Variants in PTCHD4 observed in about 807,000 individuals in gnomAD.
The protein encoded by PTCHD4 is patched domain-containing protein 4.
Under a neutral mutation model 58.1 loss-of-function variants are expected in PTCHD4, and 33 were observed. The ratio of observed to expected loss-of-function variants is 0.57; its 90% confidence interval spans 0.43 to 0.76. The LOEUF (loss-of-function observed/expected upper bound fraction) is 0.76. PTCHD4 is among the 30% of genes least tolerant of loss of function. PTCHD4 has a pLI of 0.00. For synonymous variants in PTCHD4, 478 were observed against 409.6 expected (o/e 1.17, Z -2.02); for missense variants, 1,058 against 1,027.1 (o/e 1.03, Z -0.41).
chr6:47,958,408 T>C (rs1265637447), intron 4 of PTCHD4, among the ~76,000 whole-genome samples: 6 of 152,118 alleles, frequency 3.9e-5, no homozygotes, highest in South Asian at 2.1e-4. Context: ...AATAGTGTTT[T>C]TCAAAATATG....
chr6:47,936,662 A>T (rs1041804779), intron 4 of PTCHD4, among the ~76,000 whole-genome samples: 5 of 152,146 alleles, frequency 3.3e-5, no homozygotes, highest in African/African-American at 1.2e-4. Flanking sequence ...GTCCTTGTTC[A>T]TTTTTTAAAC....
intron 4 of PTCHD4, among the ~76,000 whole-genome samples, chr6:47,937,406 T>C (rs916063718): frequency 2.0e-5 from 3 of 152,164 alleles, no homozygotes; most frequent in Non-Finnish European, 4.4e-5. Flanking sequence ...TTATGGACTT[T>C]GTGAAGGAAA....
chr6:48,099,675 C>T (rs538032633), intron 1 of PTCHD4, among the ~76,000 whole-genome samples: 1 of 152,312 alleles, frequency 6.6e-6, no homozygotes, highest in South Asian at 2.1e-4. Context: ...AATGCAGCAT[C>T]TATAGGGTCA....
Position 47,876,971 on chromosome 6 carries a change from G to C in PTCHD4, c.*1332C>G, listed in dbSNP as rs777418318. Among the ~76,000 whole-genome samples the C allele has an allele frequency of 1.3e-5, 2 of 151,998 alleles. No individual in the cohort carries two copies. Among genetic ancestry groups the C allele is most frequent in the Admixed American group, 6.6e-5 (1 of 15,230 alleles). On this transcript the variant is annotated 3_prime_UTR_variant, in exon 5 of 5. Coordinates refer to ENST00000339488, the MANE Select transcript of PTCHD4 (RefSeq NM_001384253.1). Reference sequence around the variant, plus strand: ...TGGGCCAACCGAGGAGCACTTTCCAGGTAACAAGAGCAACACTATTGTGAG... The same window carrying C: ...TGGGCCAACCGAGGAGCACTTTCCACGTAACAAGAGCAACACTATTGTGAG...
intron 4 of PTCHD4, among the ~76,000 whole-genome samples, chr6:47,982,582 G>A (rs1041039156): frequency 1.4e-5 from 2 of 147,460 alleles, no homozygotes; most frequent in African/African-American, 5.0e-5. Flanking sequence ...TCCGCCTCCC[G>A]GGTTCACGCC....
chr6:48,067,833 T>C (rs1402785605), intron 3 of PTCHD4, among the ~76,000 whole-genome samples: 1 of 152,034 alleles, frequency 6.6e-6, no homozygotes, highest in Non-Finnish European at 1.5e-5. Context: ...TTTTTTTTTT[T>C]ATTTTTGGTA....
intron 1 of PTCHD4, among the ~76,000 whole-genome samples, chr6:48,096,200 A>C (rs1457388229): frequency 1.3e-5 from 2 of 152,204 alleles, no homozygotes; most frequent in African/African-American, 2.4e-5. Context: ...CATTTCAATT[A>C]GTTCTTGAAG....
intron 4 of PTCHD4, among the ~76,000 whole-genome samples, chr6:47,885,728 C>T (rs1764171386): frequency 6.6e-6 from 1 of 152,210 alleles, no homozygotes; most frequent in South Asian, 2.1e-4. Flanking sequence ...CAAACTCCTA[C>T]TCTTCTAATG....
chr6:47,874,096 G>A lies in PTCHD4; in HGVS notation c.*4207C>T, dbSNP rs1298392845. ...TATTTTCTGCTTCACCATAAGATTA[G>A]CAAACACAAGACATAAAATTATGTT... On this transcript the variant is annotated 3_prime_UTR_variant, in exon 5 of 5. Coordinates refer to ENST00000339488, the MANE Select transcript of PTCHD4 (RefSeq NM_001384253.1). 6.6e-6 allele frequency among the ~76,000 whole-genome samples: 1 copy of A among 151,612 alleles called. No individual in the cohort carries two copies. Among genetic ancestry groups the A allele is most frequent in the Non-Finnish European group, 1.5e-5 (1 of 67,776 alleles).
intron 4 of PTCHD4, among the ~76,000 whole-genome samples, chr6:47,943,868 CA>C (rs1199831221): frequency 2.0e-5 from 3 of 151,960 alleles, no homozygotes; most frequent in East Asian, 1.9e-4. Flanking sequence ...CTTATTTTGT[CA>C]AAATGTCAGG....
chr6:47,956,214 G>A (rs902118660), intron 4 of PTCHD4, among the ~76,000 whole-genome samples: 3 of 152,100 alleles, frequency 2.0e-5, no homozygotes, highest in East Asian at 1.9e-4. Context: ...GAATCCTGAC[G>A]ATACAAATAT....
In PTCHD4 at chr6:47,901,873, T is replaced by C; in HGVS notation, c.899-21937A>G. 2.3e-6 allele frequency: 3 copies of C among 1,303,414 alleles called. No individual in the cohort carries two copies. In the South Asian group the frequency reaches 3.7e-5, roughly 16 times the overall value. 80.7% of individuals were successfully genotyped at this position (1,303,414 alleles called of 1,614,324 possible). On this transcript the variant is annotated intron_variant, in intron 4 of 4. Coordinates refer to ENST00000339488, the MANE Select transcript of PTCHD4 (RefSeq NM_001384253.1). ...CTCTCCAGTTTTTTCTCTCCTTCCT[T>C]CTCTCCTTTCTTTCTTCCAAACTAA... is the stretch of plus-strand genomic sequence containing the variant.
chr6:47,885,412 A>G (rs905099036), intron 4 of PTCHD4, among the ~76,000 whole-genome samples: 2 of 152,202 alleles, frequency 1.3e-5, no homozygotes, highest in Non-Finnish European at 2.9e-5. Context: ...CCATTTAACA[A>G]TGATTTGGTA....
At chr6:47,968,744 A>G (rs1055954938) in intron 4 of PTCHD4, among the ~76,000 whole-genome samples, 3 of 152,168 alleles carry the variant, frequency 2.0e-5, no homozygotes, top group African/African-American at 4.8e-5. Context: ...GGAAACCTCA[A>G]AGAAGATAAA....
At chr6:48,111,002 C>T (rs1047370907) in intron 1 of PTCHD4, among the ~76,000 whole-genome samples, 47 bp downstream of exon 1, 1 of 151,968 alleles carries the variant, frequency 6.6e-6, no homozygotes, top group Non-Finnish European at 1.5e-5. Flanking sequence ...TATATCCTTT[C>T]TCTGTCCTGC....
intron 4 of PTCHD4, among the ~76,000 whole-genome samples, chr6:48,006,169 T>C (rs1163410435): frequency 6.6e-6 from 1 of 152,204 alleles, no homozygotes; most frequent in Non-Finnish European, 1.5e-5. Context: ...TTAAGCAGTC[T>C]TCCTAAAGTC....
At chr6:47,984,283 G>A (rs901483067) in intron 4 of PTCHD4, among the ~76,000 whole-genome samples, 1 of 152,156 alleles carries the variant, frequency 6.6e-6, no homozygotes, top group African/African-American at 2.4e-5. Flanking sequence ...GTTCCTCATG[G>A]CTGGGTGGGA....
intron 3 of PTCHD4, among the ~76,000 whole-genome samples, chr6:48,056,345 A>G (rs572171267): frequency 1.3e-5 from 2 of 152,306 alleles, no homozygotes; most frequent in African/African-American, 4.8e-5. Flanking sequence ...GTTTTTAATG[A>G]AATTTTTCAT....
intron 3 of PTCHD4, among the ~76,000 whole-genome samples, chr6:48,023,421 C>A (rs1028215819): frequency 6.6e-6 from 1 of 152,122 alleles, no homozygotes; most frequent in Non-Finnish European, 1.5e-5. Context: ...ATAATGAAAG[C>A]AGTCATCACT....
Sources: allele counts gnomAD v4.1 joint callset (sites outside exome capture counted in the v4.1 genomes callset), GRCh38; gene constraint gnomAD v4.1.1; transcripts MANE v1.5; gene names NCBI Gene and HGNC (gene_info 2026-07-23, HGNC 2026-07-21).